The following PAM variants were observed in gnomAD, a reference collection of about 807,000 sequenced individuals.
PAM encodes the protein peptidyl-glycine alpha-amidating monooxygenase.
In PAM, 72 loss-of-function variants were observed where a neutral mutation model predicts 122.1. The ratio of observed to expected loss-of-function variants is 0.59; its 90% confidence interval spans 0.49 to 0.72. The LOEUF is 0.72. Among genes scored for constraint, PAM ranks in the 30% least tolerant of loss-of-function variants. PAM has a pLI of 0.00. For synonymous variants in PAM, 389 were observed against 404.4 expected (o/e 0.96, Z 0.46); for missense variants, 1,106 against 1,183.7 (o/e 0.93, Z 0.96).
intron 8 of PAM, 107 bp downstream of exon 8, chr5:102,946,992 C>T: frequency 1.3e-6 from 1 of 761,884 alleles, no homozygotes; most frequent in South Asian, 1.5e-5. Context: ...TTAACCTAAA[C>T]TGGGTTAAAA....
intron 21 of PAM, among the ~76,000 whole-genome samples, chr5:103,010,147 T>A (rs1780195577): frequency 6.6e-6 from 1 of 152,164 alleles, no homozygotes; most frequent in South Asian, 2.1e-4. Flanking sequence ...TGATGGCAGG[T>A]TTTTAAATTC....
At chr5:102,982,443 C>T (rs1022479888) in intron 15 of PAM, among the ~76,000 whole-genome samples, 1 of 152,174 alleles carries the variant, frequency 6.6e-6, no homozygotes, top group Admixed American at 6.5e-5. Context: ...GACCTGCTAC[C>T]ACTGATACCT....
chr5:103,004,529 A>G (rs1027066773), intron 17 of PAM, among the ~76,000 whole-genome samples: 1 of 152,224 alleles, frequency 6.6e-6, no homozygotes, highest in African/African-American at 2.4e-5. Flanking sequence ...TGTATTGTCC[A>G]TGTGTCTGTT....
chr5:102,952,809 G>C (rs1759384744), intron 12 of PAM, among the ~76,000 whole-genome samples: 1 of 152,124 alleles, frequency 6.6e-6, no homozygotes, highest in Admixed American at 6.6e-5. Flanking sequence ...TATGATGTCG[G>C]TTAAATTAAA....
chr5:102,865,882 G>T lies in PAM; in HGVS notation c.-314G>T. 1 of 322,268 alleles carries T rather than the reference G, an allele frequency of 3.1e-6. No individual in the cohort carries two copies. The highest frequency in any genetic ancestry group is 5.2e-5 in the Admixed American group (1 of 19,292). The allele number at this position is 322,268 out of a possible 1,614,324, so 20.0% of individuals were successfully genotyped here. A position where few individuals can be genotyped will look rare whatever the true frequency, so the allele number is the denominator to read the frequency against. On this transcript the variant is annotated 5_prime_UTR_variant, in exon 2 of 26. Coordinates refer to ENST00000438793, the MANE Select transcript of PAM (RefSeq NM_001177306.2). The stretch of plus-strand genomic sequence containing the variant: ...ACCCCTCACAGCCCCTGTCATTCCG[G>T]AGTCATAAGGCACCCGCGCGTCTAG...
At chr5:102,806,422 T>C (rs1350775155) in intron 1 of PAM, among the ~76,000 whole-genome samples, 1 of 152,190 alleles carries the variant, frequency 6.6e-6, no homozygotes, top group Non-Finnish European at 1.5e-5. Context: ...AATATGAACA[T>C]TGGAAGACTC....
chr5:102,779,615 G>A (rs1758065631), intron 1 of PAM, among the ~76,000 whole-genome samples: 1 of 151,900 alleles, frequency 6.6e-6, no homozygotes, highest in African/African-American at 2.4e-5. Context: ...GGCTGGGGAA[G>A]GCAGACCCAC....
chr5:102,804,519 T>G (rs1765708409), intron 1 of PAM, among the ~76,000 whole-genome samples: 1 of 152,222 alleles, frequency 6.6e-6, no homozygotes, highest in South Asian at 2.1e-4. Context: ...TGGACTACTT[T>G]TTCATTAAGT....
At chr5:102,957,590 G>A (rs1043843431) in intron 12 of PAM, among the ~76,000 whole-genome samples, 16 of 151,668 alleles carry the variant, frequency 1.1e-4, no homozygotes, top group Admixed American at 5.9e-4. Flanking sequence ...GTGCAGTGGC[G>A]TGAGATCTCA....
intron 12 of PAM, among the ~76,000 whole-genome samples, chr5:102,957,114 A>T (rs1760999049): frequency 6.6e-6 from 1 of 152,218 alleles, no homozygotes; most frequent in South Asian, 2.1e-4. Context: ...ACCTGTCTTT[A>T]TACAGATAAG....
chr5:102,779,886 C>CAT (rs767088116), intron 1 of PAM, among the ~76,000 whole-genome samples: 10,474 of 80,722 alleles, frequency 0.13, 699 homozygotes, highest in African/African-American at 0.14. Flanking sequence ...CTCCCATATA[C>CAT]ATATATATAT....
chr5:102,956,306 T>TAC (rs1760726130), intron 12 of PAM, among the ~76,000 whole-genome samples: 1 of 152,138 alleles, frequency 6.6e-6, no homozygotes, highest in Non-Finnish European at 1.5e-5. Flanking sequence ...TGCATGTGTG[T>TAC]ACACACATAC....
chr5:102,949,592 C>A lies in PAM; in HGVS notation c.699C>A (p.Ala233=). The change falls in exon 10 of 26, where the codon GCC becomes GCA. Residue 233 remains alanine (A), a synonymous_variant. Transcript: ENST00000438793. The part of the protein sequence containing the change: ...HYKNYPMHVF[A]YRVHTHHLGK... ...AAAATTATCCAATGCATGTCTTTGC[C>A]TATAGAGTTCACACTCACCATTTAG... 6.6e-7 allele frequency: 1 copy of A among 1,508,306 alleles called. No individual in the cohort carries two copies. 93.4% of individuals were successfully genotyped at this position (1,508,306 alleles called of 1,614,324 possible).
At chr5:102,789,981 A>C (rs1186976856) in intron 1 of PAM, among the ~76,000 whole-genome samples, 1 of 152,110 alleles carries the variant, frequency 6.6e-6, no homozygotes, top group Non-Finnish European at 1.5e-5. Context: ...CAATTTTCTT[A>C]TCTTGTATGT....
intron 22 of PAM, among the ~76,000 whole-genome samples, chr5:103,019,142 G>GC (rs1456511638): frequency 7.8e-5 from 6 of 76,912 alleles, no homozygotes; most frequent in African/African-American, 2.8e-4. Flanking sequence ...TTTACCTACG[G>GC]GGGGGGACTG....
At chr5:103,023,265 G>A (rs1467413850) in intron 23 of PAM, among the ~76,000 whole-genome samples, 2 of 152,006 alleles carry the variant, frequency 1.3e-5, no homozygotes, top group Non-Finnish European at 2.9e-5. Context: ...ATATGACCTA[G>A]TATACCCATT....
At chr5:102,844,697 AC>A (rs1463260205) in intron 1 of PAM, among the ~76,000 whole-genome samples, 1 of 145,440 alleles carries the variant, frequency 6.9e-6, no homozygotes, top group Non-Finnish European at 1.5e-5. Flanking sequence ...ATAAATAAAA[AC>A]AAAAAAAAGA....
chr5:102,941,772 C>A lies in PAM; in HGVS notation c.527-5065C>A, dbSNP rs1035386109. On this transcript the variant is annotated intron_variant, in intron 7 of 25. Transcript: ENST00000438793. ...TGAATTTTCTGGTTAATTTGGATGA[C>A]CACCATTTTTTTGAGTACTGTTAAC... Among the ~76,000 whole-genome samples, 3 of 145,328 alleles carry A rather than the reference C, an allele frequency of 2.1e-5. No individual in the cohort carries two copies. The Admixed American group carries it at 2.1e-4, about 10-fold the overall frequency.
At chr5:102,995,536 G>A (rs1396386279) in intron 16 of PAM, among the ~76,000 whole-genome samples, 3 of 151,330 alleles carry the variant, frequency 2.0e-5, no homozygotes, top group Non-Finnish European at 1.5e-5. Context: ...GCATCAAGAC[G>A]TTTGAACTCC....
Sources: allele counts gnomAD v4.1 joint callset (sites outside exome capture counted in the v4.1 genomes callset), GRCh38; gene constraint gnomAD v4.1.1; transcripts MANE v1.5; gene names NCBI Gene and HGNC (gene_info 2026-07-23, HGNC 2026-07-21).